Variants in SLCO1B1 observed in about 807,000 individuals in gnomAD.
The protein encoded by SLCO1B1 is solute carrier organic anion transporter family member 1B1, also known as OATP-2.
SLCO1B1 carries 81 observed loss-of-function variants against 70.1 expected under a neutral mutation model. The ratio of observed to expected loss-of-function variants is 1.16; its 90% CI spans 0.97 to 1.39. The LOEUF is 1.39. SLCO1B1 is among the 40% of genes most tolerant of loss of function. The probability of loss-of-function intolerance (pLI) is 0.00; values close to 1 mark genes in which losing one functional copy is unlikely to be tolerated. For synonymous variants in SLCO1B1, 283 were observed against 271.5 expected, an observed-to-expected ratio of 1.04 and a Z score of -0.42; for missense variants, 895 against 799.6, an observed-to-expected ratio of 1.12 and a Z score of -1.44.
At chr12:21,150,490 A>G (rs964822639) in intron 2 of SLCO1B1, among the ~76,000 whole-genome samples, 2 of 152,094 alleles carry the variant, frequency 1.3e-5, no homozygotes, top group African/African-American at 4.8e-5. Flanking sequence ...AAGCTTCCAG[A>G]GGAAGGAACA....
At chr12:21,175,280 G>A (rs1182709572) in intron 4 of SLCO1B1, among the ~76,000 whole-genome samples, 4 of 152,036 alleles carry the variant, frequency 2.6e-5, no homozygotes, top group African/African-American at 7.2e-5. Flanking sequence ...TTGTGGCAAC[G>A]TATTTCCAGG....
intron 11 of SLCO1B1, among the ~76,000 whole-genome samples, chr12:21,212,507 G>C (rs1211528496): frequency 2.8e-5 from 4 of 143,210 alleles, no homozygotes; most frequent in Non-Finnish European, 6.0e-5. Context: ...TTTGGAATAG[G>C]TGTGGTGTGG....
chr12:21,137,106 T>C (rs1374002466), intron 1 of SLCO1B1, among the ~76,000 whole-genome samples: 3 of 152,196 alleles, frequency 2.0e-5, no homozygotes, highest in Admixed American at 1.3e-4. Flanking sequence ...CTGCAGACCC[T>C]GTTTGCCTGG....
chr12:21,132,914 A>G (rs907654638), intron 1 of SLCO1B1, among the ~76,000 whole-genome samples: 4 of 152,040 alleles, frequency 2.6e-5, no homozygotes, highest in African/African-American at 7.3e-5. Flanking sequence ...GCCCATGCCT[A>G]TGTCCTGAAT....
chr12:21,222,181 C>A, intron 12 of SLCO1B1, 119 bp from the exon 13 acceptor site: 1 of 339,370 alleles, frequency 2.9e-6, no homozygotes, highest in Non-Finnish European at 5.6e-6. Context: ...TATAATGGGG[C>A]CATTCAACTG....
At chr12:21,144,810 A>G (rs1235369016) in intron 2 of SLCO1B1, among the ~76,000 whole-genome samples, 1 of 152,182 alleles carries the variant, frequency 6.6e-6, no homozygotes, top group African/African-American at 2.4e-5. Context: ...ATATTCTGCC[A>G]AACTAAGCTT....
intron 14 of SLCO1B1, among the ~76,000 whole-genome samples, chr12:21,233,166 C>T (rs1356656997): frequency 6.6e-6 from 1 of 152,086 alleles, no homozygotes; most frequent in Admixed American, 6.6e-5. Flanking sequence ...GGCTAAACTC[C>T]AACTGAGAAT....
chr12:21,161,625 T>C (rs1011011206), intron 2 of SLCO1B1, among the ~76,000 whole-genome samples: 2 of 151,992 alleles, frequency 1.3e-5, no homozygotes, highest in African/African-American at 2.4e-5. Context: ...GTGACACGTG[T>C]TTACCTGTAC....
chr12:21,197,705 A>C (rs1231329841), intron 8 of SLCO1B1, among the ~76,000 whole-genome samples: 1 of 152,074 alleles, frequency 6.6e-6, no homozygotes, highest in African/African-American at 2.4e-5. Flanking sequence ...TGGATTAAGG[A>C]GAAGGAAGTC....
At chr12:21,177,052 C>T (rs542138054) in intron 5 of SLCO1B1, among the ~76,000 whole-genome samples, 155 bp downstream of exon 5, 106 of 152,252 alleles carry the variant, frequency 7.0e-4, no homozygotes, top group South Asian at 3.9e-3. Flanking sequence ...TTAATATACA[C>T]AGTTCGCCCA....
chr12:21,144,127 A>C (rs920695953), intron 2 of SLCO1B1, among the ~76,000 whole-genome samples: 1 of 152,116 alleles, frequency 6.6e-6, no homozygotes, highest in Non-Finnish European at 1.5e-5. Context: ...TTCAAATTTA[A>C]ACCCAACAAG....
chr12:21,134,847 G>C (rs554814558), intron 1 of SLCO1B1, among the ~76,000 whole-genome samples: 53 of 152,240 alleles, frequency 3.5e-4, no homozygotes, highest in African/African-American at 1.2e-3. Flanking sequence ...GTTCTGCTCT[G>C]ATGGTAGTTA....
chr12:21,214,730 G>A (rs1210394636), intron 11 of SLCO1B1, among the ~76,000 whole-genome samples: 6 of 152,180 alleles, frequency 3.9e-5, no homozygotes, highest in African/African-American at 1.2e-4. Flanking sequence ...ATGGGCGTAG[G>A]ACCCTCCAAG....
chr12:21,179,734 A>G (rs746416716), intron 7 of SLCO1B1, among the ~76,000 whole-genome samples: 11 of 152,050 alleles, frequency 7.2e-5, no homozygotes, highest in Non-Finnish European at 1.3e-4. Context: ...ATACATCTGT[A>G]TCCAATGTTG....
chr12:21,174,881 C>T (rs986437947), intron 4 of SLCO1B1, among the ~76,000 whole-genome samples, 172 bp downstream of exon 4: 10 of 152,018 alleles, frequency 6.6e-5, no homozygotes, highest in Admixed American at 3.9e-4. Flanking sequence ...TTTTATTTAT[C>T]GTAGCTTTCA....
At chr12:21,220,537 G>T (rs575623798) in intron 12 of SLCO1B1, among the ~76,000 whole-genome samples, 1 of 152,102 alleles carries the variant, frequency 6.6e-6, no homozygotes, top group Non-Finnish European at 1.5e-5. Context: ...TCTAGGGACT[G>T]AGTACAGATA....
chr12:21,133,531 T>G, intron 1 of SLCO1B1, among the ~76,000 whole-genome samples: 1 of 152,170 alleles, frequency 6.6e-6, no homozygotes, highest in Non-Finnish European at 1.5e-5. Context: ...GTAGTTCTCC[T>G]TGAAGAGGTC....
chr12:21,200,544 C>T lies in SLCO1B1; in HGVS notation c.1007C>T (p.Pro336Leu). The T allele has an allele frequency of 2.5e-6, 4 of 1,591,352 alleles. No individual in the cohort carries two copies. Among genetic ancestry groups the T allele is most frequent in the Admixed American group, 1.7e-5 (1 of 58,228 alleles). ...FQSFKSILTN[P>L]LYVMFVLLTL... ...TCTTTTAAAAGCATCCTTACTAATC[C>T]CCTGTATGTTATGTTTGTGCTTTTG... The change falls in exon 9 of 15, where the codon CCC becomes CTC. Residue 336 changes from proline (P) to leucine (L), a missense_variant. Physicochemically the swap from Pro to Leu is moderately conservative, Grantham distance 98 (BLOSUM62 -3). Transcript: ENST00000256958.
At chr12:21,177,940 T>C (rs1441911813) in intron 5 of SLCO1B1, among the ~76,000 whole-genome samples, 6 of 152,160 alleles carry the variant, frequency 3.9e-5, no homozygotes, top group South Asian at 2.1e-4. Context: ...TTTTTAAATA[T>C]ATAATGGATA....
Sources: gnomAD v4.1 joint callset for allele counts (sites outside exome capture counted in the v4.1 genomes callset) on GRCh38, gnomAD v4.1.1 for gene constraint, MANE v1.5 for transcripts, NCBI Gene and HGNC (gene_info 2026-07-23, HGNC 2026-07-21) for gene names.